F5: variants seen among roughly 807,000 people sequenced by gnomAD.
F5 encodes coagulation factor V, also known as activated protein c cofactor.
In F5, 138 loss-of-function variants were observed where a neutral mutation model predicts 216.4. The observed-to-expected ratio is 0.64, with a 90% CI of 0.56 to 0.73. F5 has a LOEUF of 0.73. Ranked by LOEUF, F5 falls within the 30% of genes least tolerant of loss-of-function variation. The probability of loss-of-function intolerance (pLI) is 0.00; values close to 1 mark genes in which losing one functional copy is unlikely to be tolerated. For synonymous variants in F5, 916 were observed against 930.7 expected (o/e 0.98, Z 0.29); for missense variants, 2,403 against 2,674.0 (o/e 0.90, Z 2.24).
At chr1:169,571,576 G>T (rs941129708) in intron 3 of F5, among the ~76,000 whole-genome samples, 2 of 152,070 alleles carry the variant, frequency 1.3e-5, no homozygotes, top group African/African-American at 4.8e-5. Flanking sequence ...ACCACTTATT[G>T]AGTGTCATCT....
chr1:169,549,211 A>G (rs1193180118), intron 10 of F5, among the ~76,000 whole-genome samples: 2 of 152,216 alleles, frequency 1.3e-5, no homozygotes, highest in East Asian at 3.8e-4. Flanking sequence ...ATGAGACTAC[A>G]ATTCTTCAAT....
At chr1:169,571,652 C>G (rs1660725498) in intron 3 of F5, among the ~76,000 whole-genome samples, 1 of 152,244 alleles carries the variant, frequency 6.6e-6, no homozygotes, top group African/African-American at 2.4e-5. Context: ...GGGCCAAACC[C>G]AACCAATTTC....
chr1:169,542,736 T>C lies in F5; in HGVS notation c.2354A>G (p.Lys785Arg), dbSNP rs1297143839. 1.2e-6 allele frequency: 2 copies of C among 1,614,032 alleles called. No individual in the cohort carries two copies. The highest frequency in any genetic ancestry group is 1.7e-6 in the Non-Finnish European group (2 of 1,180,012). Residue 785 changes from lysine to arginine, a missense_variant, in exon 13 of 25, where the codon AAG becomes AGG. Physicochemically the swap from Lys to Arg is conservative, Grantham distance 26. Transcript: ENST00000367797. ...TTCTGCAAGGTTATTGACAGTGAAC[T>C]TACTAATATTACTTGGGGAAGAATA... ...SNYSSPSNIS[K>R]FTVNNLAEPQ...
intron 15 of F5, 88 bp from the exon 16 acceptor site, chr1:169,529,906 T>C: frequency 9.6e-7 from 1 of 1,046,816 alleles, no homozygotes; most frequent in Non-Finnish European, 1.5e-6. Context: ...AAAGGAAACT[T>C]TCTGATAGGC....
chr1:169,553,796 G>A (rs1395613501), intron 7 of F5, among the ~76,000 whole-genome samples: 3 of 152,128 alleles, frequency 2.0e-5, no homozygotes, highest in African/African-American at 7.2e-5. Context: ...AGTCAAGAAA[G>A]AAGAGATGCT....
At chr1:169,565,771 C>T (rs1338336182) in intron 3 of F5, among the ~76,000 whole-genome samples, 1 of 152,054 alleles carries the variant, frequency 6.6e-6, no homozygotes, top group East Asian at 1.9e-4. Context: ...TATCTGGCTA[C>T]TATAGGCATC....
At position 169,556,712 on chromosome 1, in the gene F5, C is replaced by T. The variant is rs748350385; in HGVS notation, c.886G>A (p.Ala296Thr). The change falls in exon 6 of 25, where the codon GCA (alanine) becomes ACA (threonine). Residue 296 changes from alanine to threonine, a missense_variant. Transcript: ENST00000367797. The part of the protein sequence containing the change: ...ITLVSATSTT[A>T]NMTVGPEGKW... Reference sequence around the variant, plus strand: ...CCCTCTGGGCCCACAGTCATATTTGCGGTAGTGGATGTAGCACTGACAAGG... The same window carrying T: ...CCCTCTGGGCCCACAGTCATATTTGTGGTAGTGGATGTAGCACTGACAAGG... 3.9e-5 allele frequency: 63 copies of T among 1,613,874 alleles called. No homozygotes were observed. Among genetic ancestry groups the T allele is most frequent in the Non-Finnish European group, 4.8e-5 (57 of 1,180,012 alleles).
intron 3 of F5, among the ~76,000 whole-genome samples, chr1:169,569,446 A>G (rs1434375791): frequency 6.6e-6 from 1 of 152,150 alleles, no homozygotes; most frequent in African/African-American, 2.4e-5. Flanking sequence ...TAAATTCTCC[A>G]TGAAACAAGC....
intron 2 of F5, among the ~76,000 whole-genome samples, chr1:169,578,243 A>G (rs1370716396): frequency 2.0e-5 from 3 of 152,248 alleles, no homozygotes; most frequent in Admixed American, 1.3e-4. Flanking sequence ...CTTTGTCCAC[A>G]TGAAACAAAT....
chr1:169,568,998 A>G (rs1660668326), intron 3 of F5, among the ~76,000 whole-genome samples: 1 of 152,118 alleles, frequency 6.6e-6, no homozygotes, highest in Non-Finnish European at 1.5e-5. Flanking sequence ...CAATGGGCGA[A>G]TCAATGCTGA....
chr1:169,529,457 G>C, intron 16 of F5, 151 bp downstream of exon 16: 1 of 712,854 alleles, frequency 1.4e-6, no homozygotes, highest in Non-Finnish European at 2.4e-6. Context: ...GATTACATCA[G>C]CCCTCTGGAA....
chr1:169,540,180 G>T, intron 13 of F5, 114 bp downstream of exon 13: 2 of 1,150,220 alleles, frequency 1.7e-6, no homozygotes, highest in Non-Finnish European at 2.5e-6. Context: ...TGCAATAGGG[G>T]AACCACACTG....
At chr1:169,520,447 C>T (rs930330644) in intron 22 of F5, 73 bp downstream of exon 22, 7 of 1,585,138 alleles carry the variant, frequency 4.4e-6, no homozygotes, top group African/African-American at 4.0e-5. Flanking sequence ...AAAAATTCTA[C>T]TCATTCTCCT....
intron 5 of F5, among the ~76,000 whole-genome samples, chr1:169,557,584 T>C (rs1372933568): frequency 2.0e-5 from 3 of 152,066 alleles, no homozygotes. Flanking sequence ...AAAACTTAGT[T>C]TTGCTCCTTC....
At chr1:169,523,680 C>T (rs1365138363) in intron 20 of F5, 121 bp downstream of exon 20, 4 of 943,152 alleles carry the variant, frequency 4.2e-6, no homozygotes, top group East Asian at 2.4e-5. Context: ...AACAGTGCCT[C>T]ACACTTAGTA....
rs2101804812 is a variant in F5 at position 169,520,637 on chromosome 1, T to C, written c.6076A>G (p.Thr2026Ala). Residue 2026 changes from threonine (T) to alanine (A), a missense_variant, in exon 22 of 25, where the codon ACA (threonine) becomes GCA (alanine). Thr to Ala is a moderately conservative substitution (Grantham distance 58). Coordinates refer to ENST00000367797, the MANE Select transcript of F5 (RefSeq NM_000130.5). ...MYFNGNSDAS[T>A]IKENQFDPPI... ...GGGTCAAACTGATTCTCTTTTATTG[T>C]AGAGGCATCTGAATTGCCATTAAAA... is the stretch of plus-strand genomic sequence containing the variant. The C allele has an allele frequency of 6.2e-7, 1 of 1,613,898 alleles. No homozygotes were observed. Among genetic ancestry groups the C allele is most frequent in the Non-Finnish European group, 8.5e-7 (1 of 1,179,836 alleles).
rs767647946 is a variant in F5 at position 169,549,924 on chromosome 1, A to C, written c.1488T>G (p.Asn496Lys). ...NILEFDEPTENDAQCLTRPYY... is the reference protein window; with the variant it reads ...NILEFDEPTEKDAQCLTRPYY... ...ATGGTCTTGTTAAGCACTGGGCATC[A>C]TTTTCTGTGGGTTCATCAAACTCTA... The change falls in exon 10 of 25, where the codon AAT (asparagine) becomes AAG (lysine). Residue 496 changes from asparagine (N) to lysine (K), a missense_variant. Physicochemically the swap from Asn to Lys is moderately conservative, Grantham distance 94. Coordinates refer to ENST00000367797, the MANE Select transcript of F5 (RefSeq NM_000130.5). The C allele has an allele frequency of 1.9e-6, 3 of 1,614,000 alleles. No individual in the cohort carries two copies. In the South Asian group the frequency reaches 3.3e-5, roughly 18 times the overall value.
At chr1:169,551,138 T>C (rs1359223904) in intron 8 of F5, among the ~76,000 whole-genome samples, 1 of 152,158 alleles carries the variant, frequency 6.6e-6, no homozygotes, top group Non-Finnish European at 1.5e-5. Context: ...GTAGATTTTT[T>C]AGGACACTGT....
At chr1:169,527,861 T>C in intron 17 of F5, 54 bp downstream of exon 17, 1 of 1,597,522 alleles carries the variant, frequency 6.3e-7, no homozygotes, top group Non-Finnish European at 8.6e-7. Flanking sequence ...AGTTACAGAT[T>C]GCCTTTTCCC....
Sources: allele counts gnomAD v4.1 joint callset (sites outside exome capture counted in the v4.1 genomes callset), GRCh38; gene constraint gnomAD v4.1.1; transcripts MANE v1.5; gene names NCBI Gene and HGNC (gene_info 2026-07-23, HGNC 2026-07-21).